Variants in ARHGEF15 observed in about 807,000 individuals in gnomAD.
ARHGEF15 encodes Rho guanine nucleotide exchange factor (GEF) 15.
ARHGEF15 carries 58 observed loss-of-function variants against 79.7 expected under a neutral mutation model. The observed-to-expected ratio is 0.73, with a 90% confidence interval of 0.59 to 0.91. The LOEUF is 0.91. Among genes scored for constraint, ARHGEF15 ranks in the 40% least tolerant of loss-of-function variants. The probability of loss-of-function intolerance (pLI) is 0.00; values close to 1 mark genes in which losing one functional copy is unlikely to be tolerated. For missense variants in ARHGEF15, 1,012 were observed against 1,108.1 expected (o/e 0.91, Z 1.23); for synonymous variants, 442 against 456.0 (o/e 0.97, Z 0.39).
chr17:8,318,701 ATGTTGCTGCTGCCACG>A lies in ARHGEF15; in HGVS notation c.1872+40_1873-33del. On this transcript the variant is annotated intron_variant, in intron 11 of 15. Coordinates refer to ENST00000361926, the MANE Select transcript of ARHGEF15 (RefSeq NM_173728.4). This position sits in a 1 kb window ranked among gnomAD's most constrained non-coding sequence, Gnocchi z 5.0. ...CAGGCTCCCCATCTTGCCCTGCCCC[ATGTTGCTGCTGCCACG>A]CTAGAACCTCCTCTGCCTCCGCTTC... 6.2e-7 allele frequency: 1 copy of A among 1,610,068 alleles called. No individual in the cohort carries two copies. Among genetic ancestry groups the A allele is most frequent in the Non-Finnish European group, 8.5e-7 (1 of 1,177,560 alleles).
rs747885678 is a variant in ARHGEF15, at chr17:8,312,233, C to T, written c.194C>T (p.Pro65Leu). Residue 65 changes from proline (P) to leucine (L), a missense_variant, in exon 2 of 16, where the codon CCC becomes CTC. Physicochemically the swap from Pro to Leu is moderately conservative, Grantham distance 98. Around this residue, in one of 3 missense-constraint regions of ARHGEF15, gnomAD observed 818 missense variants for 882.5 expected, o/e 0.93. Transcript: ENST00000361926. The part of the protein sequence containing the change: ...TPMCTPIFWE[P>L]PAASLKPPAL... Reference sequence around the variant, plus strand: ...ATGTGCACCCCCATCTTCTGGGAGCCCCCAGCTGCATCCCTCAAGCCCCCT... The same window carrying T: ...ATGTGCACCCCCATCTTCTGGGAGCTCCCAGCTGCATCCCTCAAGCCCCCT... The T allele has an allele frequency of 9.9e-6, 15 of 1,514,014 alleles. No homozygotes were observed. Among genetic ancestry groups the T allele is most frequent in the Non-Finnish European group, 1.3e-5 (14 of 1,119,768 alleles). The allele number at this position is 1,514,014 out of a possible 1,614,324, so 93.8% of individuals were successfully genotyped here.
Position 8,315,577 on chromosome 17 carries a change from C to G in ARHGEF15, c.1421+3C>G, listed in dbSNP as rs1343482355. On this transcript the variant is annotated splice_donor_region_variant and intron_variant, in intron 7 of 15. Transcript: ENST00000361926. The surrounding 1 kb of genome is among the most constrained non-coding windows in gnomAD (Gnocchi z 4.3). ...CGAGTCCAGGGAGTCAGCGAGCGGT[C>G]AGTGGCTTTCCGTCCTTCCAGGGAA... The G allele has an allele frequency of 1.9e-6, 3 of 1,607,128 alleles. No individual in the cohort carries two copies. Among genetic ancestry groups the G allele is most frequent in the African/African-American group, 1.3e-5 (1 of 74,894 alleles).
rs140557878 is a variant in ARHGEF15, at chr17:8,320,909, A to G, written c.2442A>G (p.Glu814=). The G allele has an allele frequency of 1.9e-4, 312 of 1,613,912 alleles. 1 individual carries two copies. Among genetic ancestry groups the G allele is most frequent in the Middle Eastern group, 3.3e-4 (2 of 6,038 alleles). Reference sequence around the variant, plus strand: ...TGTGTGAAGTCACAGGGGAACACGAAAGGAGGAGGCACCTTCGCCAGAACC... The same window carrying G: ...TGTGTGAAGTCACAGGGGAACACGAGAGGAGGAGGCACCTTCGCCAGAACC... ...QLVCEVTGEH[E]RRRHLRQNQR... is the part of the protein sequence containing the mutation. Residue 814 remains glutamate, a synonymous_variant, in exon 16 of 16, where the codon GAA becomes GAG. Transcript: ENST00000361926.
In ARHGEF15 at chr17:8,319,302, T is replaced by A; in HGVS notation, c.2187-10T>A. On this transcript the variant is annotated splice_polypyrimidine_tract_variant and intron_variant, in intron 13 of 15. Transcript: ENST00000361926. ...GGGCCAACTGTGACACTTCCCAATA[T>A]CCCCACCAGATCAGACATGCAGCGC... is the stretch of plus-strand genomic sequence containing the variant. 1.2e-6 allele frequency: 2 copies of A among 1,613,408 alleles called. No individual in the cohort carries two copies. The highest frequency in any genetic ancestry group is 1.7e-6 in the Non-Finnish European group (2 of 1,179,704).
Position 8,315,561 on chromosome 17 carries a change from G to A in ARHGEF15, c.1408G>A (p.Gly470Arg). Residue 470 changes from glycine (G) to arginine (R), a missense_variant, in exon 7 of 16, where the codon GGA becomes AGA. Gly to Arg is a moderately radical substitution (Grantham distance 125). Transcript: ENST00000361926. The surrounding 1 kb of genome is among the most constrained non-coding windows in gnomAD (Gnocchi z 4.3). ...CTTCTCCAATGTGCAGCGAGTCCAG[G>A]GAGTCAGCGAGCGGTCAGTGGCTTT... The part of the protein sequence containing the change: ...TLFSNVQRVQ[G>R]VSERFLATLL... The A allele has an allele frequency of 6.2e-7, 1 of 1,608,916 alleles. No homozygotes were observed.
rs148459323 is a variant in ARHGEF15, at chr17:8,320,779, C to A, written c.2375-63C>A. ...GAAGGCCTGAGACCCCACGAGGCCC[C>A]CTTTGCCTCCTCACCTGCTCCCTGC... On this transcript the variant is annotated intron_variant, in intron 15 of 15. Coordinates refer to ENST00000361926, the MANE Select transcript of ARHGEF15 (RefSeq NM_173728.4). 4.8e-4 allele frequency: 731 copies of A among 1,534,916 alleles called. 3 individuals carry two copies. The African/African-American group carries it at 8.7e-3, about 18-fold the overall frequency.
chr17:8,314,973 C>T lies in ARHGEF15; in HGVS notation c.1048+9C>T. ...GCTGCCCCTGCAGGATGGTGAGGGC[C>T]TCTGGACCTGAGGGTCCCTGCTGTG... On this transcript the variant is annotated intron_variant, in intron 5 of 15. Transcript: ENST00000361926. 6 of 1,614,014 alleles carry T rather than the reference C, an allele frequency of 3.7e-6. No homozygotes were observed. Among genetic ancestry groups the T allele is most frequent in the Non-Finnish European group, 5.1e-6 (6 of 1,179,970 alleles).
At chr17:8,316,275 AACTCCGAATCTGGGTCTCTCAGCCTAGG>A (rs1437754764) in intron 9 of ARHGEF15, 127 bp downstream of exon 9, 9 of 1,383,004 alleles carry the variant, frequency 6.5e-6, no homozygotes, top group Non-Finnish European at 8.6e-6. Flanking sequence ...CCCAAATCAT[AACTCCGAATCTGGGTCTCTCAGCCTAGG>A]ACTCACCAAG....
At chr17:8,310,713 C>T (rs1904549526) in intron 1 of ARHGEF15, 1 of 152,240 alleles carries the variant, frequency 6.6e-6, no homozygotes, top group African/African-American at 2.4e-5. Context: ...CTGGATACCT[C>T]TGTCTCCTGG....
In ARHGEF15 at chr17:8,322,177, T is replaced by A. The variant is rs978815900; in HGVS notation, c.*1184T>A. On this transcript the variant is annotated 3_prime_UTR_variant, in exon 16 of 16. Coordinates refer to ENST00000361926, the MANE Select transcript of ARHGEF15 (RefSeq NM_173728.4). ...CACTGGGCCAAACAGTGGGGAGAGA[T>A]TGGAGAGCGGGTGTGGCTGCCCAAC... 1 of 152,676 alleles carries A rather than the reference T, an allele frequency of 6.5e-6. No individual in the cohort carries two copies. The highest frequency in any genetic ancestry group is 6.5e-5 in the Admixed American group (1 of 15,274). The allele number at this position is 152,676 out of a possible 1,614,324, so 9.5% of individuals were successfully genotyped here.
At chr17:8,316,376 G>A (rs77592577) in intron 9 of ARHGEF15, among the ~76,000 whole-genome samples, 1 of 152,202 alleles carries the variant, frequency 6.6e-6, no homozygotes, top group East Asian at 1.9e-4. Flanking sequence ...CAGGTGCAGG[G>A]AAAGGCCCTC....
chr17:8,311,630 C>T (rs1373960092), intron 1 of ARHGEF15, among the ~76,000 whole-genome samples: 1 of 151,840 alleles, frequency 6.6e-6, no homozygotes, highest in Admixed American at 6.6e-5. Context: ...CATGGCACAC[C>T]CACCCTGGCA....
At chr17:8,311,862 T>C (rs1303323498) in intron 1 of ARHGEF15, 129 bp from the exon 2 acceptor site, 1 of 568,498 alleles carries the variant, frequency 1.8e-6, no homozygotes, top group Non-Finnish European at 3.0e-6. Flanking sequence ...CCGTATTGAG[T>C]TTTATGGATT....
intron 1 of ARHGEF15, 110 bp from the exon 2 acceptor site, chr17:8,311,880 AC>A: frequency 1.6e-6 from 1 of 633,824 alleles, no homozygotes; most frequent in Non-Finnish European, 2.6e-6. Context: ...ATTCTCTGGA[AC>A]CCCCACACCA....
chr17:8,321,272 G>A lies in ARHGEF15; in HGVS notation c.*279G>A. 1.1e-5 allele frequency: 4 copies of A among 373,104 alleles called. No homozygotes were observed. Among genetic ancestry groups the A allele is most frequent in the South Asian group, 5.1e-5 (1 of 19,568 alleles). 23.1% of individuals were successfully genotyped at this position (373,104 alleles called of 1,614,324 possible). On this transcript the variant is annotated 3_prime_UTR_variant, in exon 16 of 16. Coordinates refer to ENST00000361926, the MANE Select transcript of ARHGEF15 (RefSeq NM_173728.4). ...AGCTGGCTGAGCCTATGGCCAATGA[G>A]TATTCCTGCTATGCTCAGGGCCAAG...
intron 1 of ARHGEF15, among the ~76,000 whole-genome samples, chr17:8,311,257 G>C (rs1306974284): frequency 6.6e-6 from 1 of 151,974 alleles, no homozygotes; most frequent in East Asian, 1.9e-4. Flanking sequence ...GCAGCGCCCT[G>C]GCCCGACTGG....
rs1567673612 is a variant in ARHGEF15, at chr17:8,312,130, G to A, written c.91G>A (p.Ala31Thr). 1.3e-6 allele frequency: 2 copies of A among 1,563,594 alleles called. No individual in the cohort carries two copies. The highest frequency in any genetic ancestry group is 1.7e-6 in the Non-Finnish European group (2 of 1,158,506). The part of the protein sequence containing the change: ...RPRPPSRSRA[A>T]QSPGPPHNGS... ...CCGCCCTCCTTCTCGTTCCAGGGCTGCCCAGTCCCCAGGGCCTCCCCACAA... is the reference window on the plus strand; with the variant it reads ...CCGCCCTCCTTCTCGTTCCAGGGCTACCCAGTCCCCAGGGCCTCCCCACAA... Residue 31 changes from alanine to threonine, a missense_variant, in exon 2 of 16, where the codon GCC becomes ACC. Around this residue, in one of 3 missense-constraint regions of ARHGEF15, gnomAD observed 818 missense variants for 882.5 expected, o/e 0.93. Transcript: ENST00000361926.
intron 3 of ARHGEF15, 85 bp downstream of exon 3, chr17:8,313,339 C>A: frequency 6.6e-7 from 1 of 1,521,072 alleles, no homozygotes; most frequent in Non-Finnish European, 8.9e-7. Flanking sequence ...AAACTACAAT[C>A]CCCAACAGGC....
In ARHGEF15 at chr17:8,315,869, G is replaced by C; in HGVS notation, c.1536G>C (p.Arg512=). The change falls in exon 8 of 16, where the codon CGG becomes CGC. Residue 512 remains arginine, a synonymous_variant. Transcript: ENST00000361926. This position sits in a 1 kb window ranked among gnomAD's most constrained non-coding sequence, Gnocchi z 4.3. ...TCTCGGTGTATGTGGATTATGTGCG[G>C]AACCAGCAGTATCAGGAGGAGACCT... ...GPFSVYVDYV[R]NQQYQEETYS... 6.2e-7 allele frequency: 1 copy of C among 1,611,666 alleles called. No homozygotes were observed. The highest frequency in any genetic ancestry group is 8.5e-7 in the Non-Finnish European group (1 of 1,179,984).
Sources: allele counts gnomAD v4.1 joint callset (sites outside exome capture counted in the v4.1 genomes callset), GRCh38; gene constraint gnomAD v4.1.1; regional missense constraint gnomAD v4.1.1; non-coding constraint Gnocchi (gnomAD v3.1); transcripts MANE v1.5; gene names NCBI Gene and HGNC (gene_info 2026-07-23, HGNC 2026-07-21).